BCKDHB: variants seen among roughly 807,000 people sequenced by gnomAD.
The protein encoded by BCKDHB is branched chain keto acid dehydrogenase E1 subunit beta, also known as 2-oxoisovalerate dehydrogenase subunit beta, mitochondrial.
In BCKDHB, 41 loss-of-function variants were observed where a neutral mutation model predicts 48.5. That is an observed-to-expected ratio of 0.85 (90% CI 0.66 to 1.10). The LOEUF is 1.10. BCKDHB is among the 50% of genes least tolerant of loss of function. The probability of loss-of-function intolerance (pLI) is 0.00; values close to 1 mark genes in which losing one functional copy is unlikely to be tolerated. For missense variants in BCKDHB, 496 were observed against 494.2 expected, an observed-to-expected ratio of 1.00 and a Z score of -0.03; for synonymous variants, 201 against 174.8, an observed-to-expected ratio of 1.15 and a Z score of -1.18.
At chr6:80,291,954 A>G (rs896983821) in intron 9 of BCKDHB, among the ~76,000 whole-genome samples, 1 of 152,210 alleles carries the variant, frequency 6.6e-6, no homozygotes, top group African/African-American at 2.4e-5. Flanking sequence ...ACTCTGTTCC[A>G]TGAAAGGAAT....
At chr6:80,369,024 A>C in the BCKDHB span, among the ~76,000 whole-genome samples, 3 of 14,810 alleles carry the variant, frequency 2.0e-4, no homozygotes, top group East Asian at 0.25. Flanking sequence ...AAAAAAAAAA[A>C]AACAAAAGAA....
the BCKDHB span, among the ~76,000 whole-genome samples, chr6:80,369,147 G>A: frequency 1.2e-4 from 18 of 146,760 alleles, no homozygotes; most frequent in South Asian, 4.0e-3. Context: ...ATTGTAATTT[G>A]ATGAACTTTA....
the BCKDHB span, among the ~76,000 whole-genome samples, chr6:80,363,653 A>G: frequency 6.6e-6 from 1 of 152,202 alleles, no homozygotes; most frequent in Non-Finnish European, 1.5e-5. Flanking sequence ...TTGTCATAAT[A>G]TATGAGCATA....
intron 3 of BCKDHB, among the ~76,000 whole-genome samples, chr6:80,139,514 C>A (rs1445764269): frequency 1.3e-5 from 2 of 150,236 alleles, no homozygotes; most frequent in Non-Finnish European, 3.0e-5. Context: ...TTTCAGCTTT[C>A]TACATATGGC....
the BCKDHB span, among the ~76,000 whole-genome samples, chr6:80,416,634 G>T: frequency 2.6e-5 from 4 of 151,926 alleles, no homozygotes; most frequent in South Asian, 2.1e-4. Flanking sequence ...TCGTGCTATT[G>T]TCCTAGAAAT....
chr6:80,279,003 G>A (rs1028033891), intron 9 of BCKDHB, among the ~76,000 whole-genome samples: 1 of 152,174 alleles, frequency 6.6e-6, no homozygotes, highest in African/African-American at 2.4e-5. Context: ...AAATTTGAAT[G>A]TGAAACAATG....
chr6:80,167,956 A>G, intron 4 of BCKDHB, 145 bp downstream of exon 4: 1 of 942,098 alleles, frequency 1.1e-6, no homozygotes, highest in Non-Finnish European at 1.6e-6. Flanking sequence ...TTATGAGCAT[A>G]TATTTAAAGA....
chr6:80,148,056 A>G (rs1201451300), intron 3 of BCKDHB, among the ~76,000 whole-genome samples: 1 of 152,156 alleles, frequency 6.6e-6, no homozygotes. Context: ...AGGGTCAGAC[A>G]TAGATTAGAA....
At chr6:80,120,380 A>C (rs995591653) in intron 1 of BCKDHB, among the ~76,000 whole-genome samples, 1 of 152,080 alleles carries the variant, frequency 6.6e-6, no homozygotes, top group Admixed American at 6.5e-5. Flanking sequence ...TATACCCAGT[A>C]ATGGGATTGT....
At chr6:80,373,293 A>G in the BCKDHB span, among the ~76,000 whole-genome samples, 1 of 151,410 alleles carries the variant, frequency 6.6e-6, no homozygotes, top group African/African-American at 2.4e-5. Context: ...CGGTTGACAT[A>G]TCTCCTGTTT....
the BCKDHB span, among the ~76,000 whole-genome samples, chr6:80,435,583 C>CT: frequency 3.9e-5 from 6 of 152,134 alleles, no homozygotes; most frequent in Admixed American, 3.9e-4. Flanking sequence ...AATTATTCCA[C>CT]TTTTTTTCAA....
intron 1 of BCKDHB, among the ~76,000 whole-genome samples, chr6:80,126,536 G>A (rs980860678): frequency 2.0e-5 from 3 of 152,158 alleles, no homozygotes; most frequent in African/African-American, 7.2e-5. Flanking sequence ...ATCAGGGTAA[G>A]CAACAGGTAT....
chr6:80,156,663 C>G (rs747845396), intron 3 of BCKDHB, among the ~76,000 whole-genome samples: 1 of 152,024 alleles, frequency 6.6e-6, no homozygotes, highest in South Asian at 2.1e-4. Flanking sequence ...TTGTTTGGAA[C>G]GAGGTCTGAT....
the BCKDHB span, among the ~76,000 whole-genome samples, chr6:80,412,016 C>T: frequency 6.6e-6 from 1 of 152,222 alleles, no homozygotes; most frequent in Non-Finnish European, 1.5e-5. Context: ...GTTGGAAATG[C>T]AGAAATTGCC....
chr6:80,218,566 C>T (rs553890333), intron 8 of BCKDHB, among the ~76,000 whole-genome samples: 23 of 152,276 alleles, frequency 1.5e-4, no homozygotes, highest in Non-Finnish European at 2.8e-4. Context: ...GTCTTCATCT[C>T]ATATTTCCTC....
chr6:80,324,366 G>A (rs938485993), intron 9 of BCKDHB, among the ~76,000 whole-genome samples: 1 of 152,106 alleles, frequency 6.6e-6, no homozygotes, highest in Non-Finnish European at 1.5e-5. Flanking sequence ...AGCTACTATA[G>A]GACAGTGTTG....
chr6:80,379,873 G>C, the BCKDHB span, among the ~76,000 whole-genome samples: 24 of 151,928 alleles, frequency 1.6e-4, no homozygotes, highest in East Asian at 7.7e-4. Context: ...AAACGCTTAG[G>C]AATACATTTA....
intron 8 of BCKDHB, among the ~76,000 whole-genome samples, chr6:80,217,800 T>C (rs1266424746): frequency 1.3e-5 from 2 of 152,180 alleles, no homozygotes; most frequent in Non-Finnish European, 2.9e-5. Flanking sequence ...TAACAGGGTT[T>C]ATGGAAAGAA....
At chr6:80,341,202 A>G (rs1203760023) in intron 9 of BCKDHB, among the ~76,000 whole-genome samples, 1 of 152,192 alleles carries the variant, frequency 6.6e-6, no homozygotes, top group Non-Finnish European at 1.5e-5. Flanking sequence ...TAACAACTTA[A>G]TGCTACATAA....
Sources: allele counts gnomAD v4.1 joint callset (sites outside exome capture counted in the v4.1 genomes callset), GRCh38; gene constraint gnomAD v4.1.1; transcripts MANE v1.5; gene names NCBI Gene and HGNC (gene_info 2026-07-23, HGNC 2026-07-21).